The following KLHL2 variants were observed in gnomAD, a reference collection of about 807,000 sequenced individuals.
KLHL2 encodes the protein kelch like family member 2.
KLHL2 carries 15 observed loss-of-function variants against 75.8 expected under a neutral mutation model. The observed-to-expected ratio is 0.20, with a 90% CI of 0.13 to 0.30. KLHL2 has a LOEUF of 0.30. KLHL2 is among the 10% of genes least tolerant of loss of function. The pLI, the probability that KLHL2 is intolerant of heterozygous loss-of-function variation, is 1.00. For synonymous variants in KLHL2, 214 were observed against 251.9 expected, an observed-to-expected ratio of 0.85 and a Z score of 1.42; for missense variants, 381 against 741.0, an observed-to-expected ratio of 0.51 and a Z score of 5.64.
chr4:165,240,599 A>G lies in KLHL2; in HGVS notation c.381+1700A>G, dbSNP rs1739739765. ...TATATGTCATGAGATCACTGAACTAATATGTCATCTCGTTCTGGTCTTTTA... is the reference window on the plus strand; with the variant it reads ...TATATGTCATGAGATCACTGAACTAGTATGTCATCTCGTTCTGGTCTTTTA... On this transcript the variant is annotated intron_variant, in intron 4 of 14. Transcript: ENST00000226725. 2.0e-5 allele frequency: 3 copies of G among 151,772 alleles called. No individual in the cohort carries two copies. The South Asian group carries it at 6.2e-4, about 31-fold the overall frequency. 9.4% of individuals were successfully genotyped at this position (151,772 alleles called of 1,614,324 possible).
intron 5 of KLHL2, chr4:165,279,594 G>C (rs1344523393): frequency 6.2e-7 from 1 of 1,608,452 alleles, no homozygotes; most frequent in East Asian, 2.2e-5. Context: ...CTGGTGCCTT[G>C]GTCCACTGCC....
chr4:165,227,641 A>G (rs1738543743), intron 2 of KLHL2, among the ~76,000 whole-genome samples: 1 of 152,194 alleles, frequency 6.6e-6, no homozygotes, highest in Non-Finnish European at 1.5e-5. Context: ...CACCTGTTTC[A>G]GTCATTCATA....
Position 165,229,045 on chromosome 4 carries a change from C to T in KLHL2, c.259+132C>T, listed in dbSNP as rs1456584162. On this transcript the variant is annotated intron_variant, in intron 3 of 14. Coordinates refer to ENST00000226725, the MANE Select transcript of KLHL2 (RefSeq NM_007246.4). ...ATTATAGTGGAAGAAAATGTTCTTGCTTTGTTCCAAATTCCTCCTCGTCTT... is the reference window on the plus strand; with the variant it reads ...ATTATAGTGGAAGAAAATGTTCTTGTTTTGTTCCAAATTCCTCCTCGTCTT... The T allele has an allele frequency of 6.7e-6, 4 of 594,606 alleles. No individual in the cohort carries two copies. In the South Asian group the frequency reaches 9.7e-5, roughly 14 times the overall value. 36.8% of individuals were successfully genotyped at this position (594,606 alleles called of 1,614,324 possible).
chr4:165,210,291 C>A, intron 1 of KLHL2: 1 of 1,080,260 alleles, frequency 9.3e-7, no homozygotes, highest in Non-Finnish European at 1.4e-6. Context: ...TCCAAATTTA[C>A]ATTGTTCTCA....
intron 7 of KLHL2, among the ~76,000 whole-genome samples, 199 bp downstream of exon 7, chr4:165,297,924 A>G (rs915238788): frequency 1.3e-5 from 2 of 152,170 alleles, no homozygotes; most frequent in Non-Finnish European, 2.9e-5. Flanking sequence ...CCCGGGCTCA[A>G]GTGATTCTTG....
chr4:165,282,569 C>G (rs1207748537), intron 5 of KLHL2, among the ~76,000 whole-genome samples: 1 of 152,042 alleles, frequency 6.6e-6, no homozygotes, highest in Non-Finnish European at 1.5e-5. Flanking sequence ...CACTAGAGCC[C>G]TGAATTTATA....
chr4:165,225,259 C>T (rs1217600978), intron 2 of KLHL2, among the ~76,000 whole-genome samples: 1 of 152,194 alleles, frequency 6.6e-6, no homozygotes, highest in Non-Finnish European at 1.5e-5. Context: ...GGCCTAGCTT[C>T]TCCTGTGTGT....
intron 5 of KLHL2, among the ~76,000 whole-genome samples, chr4:165,264,704 G>GTGTGTATATATATATATACATATATA: frequency 1.2e-5 from 1 of 82,874 alleles, no homozygotes; most frequent in South Asian, 4.5e-4. Context: ...GTGTGTGTGT[G>GTGTGTATATATATATATACATATATA]TATATATATA....
chr4:165,307,359 TTTAC>T, intron 9 of KLHL2, among the ~76,000 whole-genome samples: 1 of 152,274 alleles, frequency 6.6e-6, no homozygotes, highest in South Asian at 2.1e-4. Context: ...TTGAAATAAT[TTTAC>T]TTACAGAAGA....
chr4:165,235,851 T>A (rs1739303685), intron 3 of KLHL2, among the ~76,000 whole-genome samples: 1 of 152,232 alleles, frequency 6.6e-6, no homozygotes, highest in South Asian at 2.1e-4. Flanking sequence ...GGTAAGACAT[T>A]GCTTGGTGTC....
rs2126603055 is a variant in KLHL2 at position 165,322,241 on chromosome 4, G to C, written c.*181G>C. On this transcript the variant is annotated 3_prime_UTR_variant, in exon 15 of 15. Transcript: ENST00000226725. The stretch of plus-strand genomic sequence containing the variant: ...AGATTATTTTTGGTAGAAGCACCGT[G>C]TAGGCTTTTTCTGCAATGAGCAGCA... 1.7e-6 allele frequency: 1 copy of C among 596,502 alleles called. No individual in the cohort carries two copies. Among genetic ancestry groups the C allele is most frequent in the East Asian group, 2.8e-5 (1 of 35,192 alleles). 37.0% of individuals were successfully genotyped at this position (596,502 alleles called of 1,614,324 possible). A position where few individuals can be genotyped will look rare whatever the true frequency, so the allele number is the denominator to read the frequency against.
chr4:165,277,798 A>C (rs543791863), intron 5 of KLHL2: 1 of 627,178 alleles, frequency 1.6e-6, no homozygotes, highest in Non-Finnish European at 2.8e-6. Context: ...AAATATTTCT[A>C]TAGCATTCTT....
chr4:165,287,469 T>G (rs146036609), intron 5 of KLHL2, among the ~76,000 whole-genome samples: 1 of 152,236 alleles, frequency 6.6e-6, no homozygotes, highest in East Asian at 1.9e-4. Context: ...TGTACAAATA[T>G]GTCTTCAAGA....
intron 3 of KLHL2, among the ~76,000 whole-genome samples, chr4:165,232,473 G>A (rs983671480): frequency 6.6e-6 from 1 of 151,772 alleles, no homozygotes; most frequent in Non-Finnish European, 1.5e-5. Context: ...GCTCATGCCT[G>A]TAATCCCAGC....
At chr4:165,242,039 T>G (rs1008092361) in intron 4 of KLHL2, among the ~76,000 whole-genome samples, 15 of 152,206 alleles carry the variant, frequency 9.9e-5, no homozygotes, top group African/African-American at 3.4e-4. Context: ...AACTTTGGCT[T>G]TAAGTTTGGA....
chr4:165,234,277 T>A (rs550307271), intron 3 of KLHL2, among the ~76,000 whole-genome samples: 1 of 152,102 alleles, frequency 6.6e-6, no homozygotes, highest in South Asian at 2.1e-4. Context: ...AACAAAAAGG[T>A]GGTAGTAATT....
In KLHL2 at chr4:165,317,815, A is replaced by AT. The variant is rs760428757; in HGVS notation, c.1610-5dup. On this transcript the variant is annotated splice_polypyrimidine_tract_variant and intron_variant, in intron 13 of 14. Transcript: ENST00000226725. ...TTTAAATAATTGTTTTCTCTCTGTA[A>AT]TTTTTTAAAGGAGTTTGTGCAGTTA... 11 of 1,603,800 alleles carry AT rather than the reference A, an allele frequency of 6.9e-6. No individual in the cohort carries two copies. The highest frequency in any genetic ancestry group is 2.7e-5 in the African/African-American group (2 of 74,260).
intron 5 of KLHL2, among the ~76,000 whole-genome samples, chr4:165,264,800 A>G (rs1245536000): frequency 1.5e-5 from 2 of 136,982 alleles, no homozygotes; most frequent in African/African-American, 5.3e-5. Context: ...ATGGGCACTT[A>G]GGTTGATTCC....
intron 5 of KLHL2, among the ~76,000 whole-genome samples, chr4:165,283,143 G>A (rs1397017320): frequency 6.6e-6 from 1 of 152,158 alleles, no homozygotes; most frequent in East Asian, 1.9e-4. Flanking sequence ...AATTATGGGA[G>A]CTGCAAGATG....
Sources: allele counts gnomAD v4.1 joint callset (sites outside exome capture counted in the v4.1 genomes callset), GRCh38; gene constraint gnomAD v4.1.1; transcripts MANE v1.5; gene names NCBI Gene and HGNC (gene_info 2026-07-23, HGNC 2026-07-21).